OTULIN: variants seen among roughly 807,000 people sequenced by gnomAD.
The protein encoded by OTULIN is OTU deubiquitinase with linear linkage specificity, also known as ubiquitin thioesterase otulin.
OTULIN carries 15 observed loss-of-function variants against 39.6 expected under a neutral mutation model. The ratio of observed to expected loss-of-function variants is 0.38; its 90% CI spans 0.25 to 0.58. The LOEUF (loss-of-function observed/expected upper bound fraction) is 0.58. Among genes scored for constraint, OTULIN ranks in the 20% least tolerant of loss-of-function variants. The pLI is 0.66. For missense variants in OTULIN, 319 were observed against 445.9 expected (o/e 0.72, Z 2.56); for synonymous variants, 156 against 170.3 (o/e 0.92, Z 0.65).
intron 2 of OTULIN, among the ~76,000 whole-genome samples, chr5:14,677,333 T>C (rs1309403147): frequency 6.6e-6 from 1 of 152,230 alleles, no homozygotes; most frequent in Non-Finnish European, 1.5e-5. Flanking sequence ...TGGTACATTT[T>C]AGACACTCAG....
intron 6 of OTULIN, among the ~76,000 whole-genome samples, chr5:14,691,664 CT>C (rs1736531500): frequency 6.6e-6 from 1 of 150,790 alleles, no homozygotes; most frequent in East Asian, 1.9e-4. Flanking sequence ...ATAAAGTTCA[CT>C]CTTTTAAAGT....
chr5:14,709,904 T>C, the OTULIN span: 1 of 152,620 alleles, frequency 6.6e-6, no homozygotes, highest in Non-Finnish European at 1.5e-5. Context: ...AGCATATATT[T>C]ATATCTTTAA....
intron 3 of OTULIN, 109 bp from the exon 4 acceptor site, chr5:14,681,355 G>T: frequency 7.9e-7 from 1 of 1,271,670 alleles, no homozygotes; most frequent in Non-Finnish European, 1.1e-6. Flanking sequence ...CTCCAACTTT[G>T]GGCATCCTCC....
Position 14,699,358 on chromosome 5 carries a change from C to G in OTULIN, c.*6310C>G, listed in dbSNP as rs1371620797. The G allele has an allele frequency of 6.6e-6, 1 of 152,202 alleles. No individual in the cohort carries two copies. The highest frequency in any genetic ancestry group is 1.5e-5 in the Non-Finnish European group (1 of 68,050). The allele number at this position is 152,202 out of a possible 1,614,324, so 9.4% of individuals were successfully genotyped here. ...AAAGAACTAGAGTCTGGGAGTCTTG[C>G]AAGATGGAGCTGGGCTTCTGAAGAA... is the stretch of plus-strand genomic sequence containing the variant. On this transcript the variant is annotated 3_prime_UTR_variant, in exon 7 of 7. Coordinates refer to ENST00000284274, the MANE Select transcript of OTULIN (RefSeq NM_138348.6).
chr5:14,678,922 G>A (rs80296011), intron 3 of OTULIN, 147 bp downstream of exon 3: 7,005 of 507,440 alleles, frequency 0.014, 61 homozygotes, highest in Non-Finnish European at 0.018. Context: ...TAAGGAAATA[G>A]ACTCCAAAGA....
At chr5:14,709,390 G>A in the OTULIN span, 1 of 152,066 alleles carries the variant, frequency 6.6e-6, no homozygotes, top group Admixed American at 6.5e-5. Context: ...ACTCATATAT[G>A]TATTAATGGA....
chr5:14,692,926 G>C lies in OTULIN; in HGVS notation c.937G>C (p.Glu313Gln). ...QVYRLSKYNT[E>Q]EFITVYPTDP... ...GTACCGGCTCTCCAAGTACAACACG[G>C]AAGAATTCATCACAGTCTACCCCAC... Residue 313 changes from glutamate (E) to glutamine (Q), a missense_variant, in exon 7 of 7, where the codon GAA (glutamate) becomes CAA (glutamine). This residue lies in a region of OTULIN where 106 missense variants were observed against 192.8 expected (regional missense o/e 0.55). Coordinates refer to ENST00000284274, the MANE Select transcript of OTULIN (RefSeq NM_138348.6). The C allele has an allele frequency of 6.2e-7, 1 of 1,614,208 alleles. No homozygotes were observed.
At chr5:14,714,683 T>C in the OTULIN span, among the ~76,000 whole-genome samples, 3 of 152,218 alleles carry the variant, frequency 2.0e-5, no homozygotes, top group Non-Finnish European at 4.4e-5. Flanking sequence ...ACTGAGGTTT[T>C]TGACCAAAGG....
intron 3 of OTULIN, 65 bp downstream of exon 3, chr5:14,678,840 T>A: frequency 9.3e-7 from 1 of 1,071,816 alleles, no homozygotes; most frequent in Non-Finnish European, 1.4e-6. Flanking sequence ...GTTTAATATG[T>A]CATTTGATAT....
chr5:14,680,799 C>T (rs1018676544), intron 3 of OTULIN, among the ~76,000 whole-genome samples: 7 of 152,222 alleles, frequency 4.6e-5, no homozygotes, highest in Non-Finnish European at 7.3e-5. Context: ...TGGCTCACGC[C>T]TGTAATCCCT....
At chr5:14,705,938 C>T in the OTULIN span, 1 of 152,170 alleles carries the variant, frequency 6.6e-6, no homozygotes, top group East Asian at 1.9e-4. Context: ...TCCCCAACTC[C>T]AGAGGCGCCA....
At position 14,693,166 on chromosome 5, in the gene OTULIN, T is replaced by A; in HGVS notation, c.*118T>A. The A allele has an allele frequency of 1.0e-6, 1 of 965,152 alleles. No homozygotes were observed. Among genetic ancestry groups the A allele is most frequent in the Non-Finnish European group, 1.5e-6 (1 of 665,816 alleles). 59.8% of individuals were successfully genotyped at this position (965,152 alleles called of 1,614,324 possible). ...TCTCTGAGAAGAACCCTTGGGCCCC[T>A]GGGAGCCAAGTTGGACAGGATGTCC... On this transcript the variant is annotated 3_prime_UTR_variant, in exon 7 of 7. Coordinates refer to ENST00000284274, the MANE Select transcript of OTULIN (RefSeq NM_138348.6).
At chr5:14,713,431 T>A in the OTULIN span, 2 of 1,444,998 alleles carry the variant, frequency 1.4e-6, no homozygotes, top group East Asian at 4.9e-5. The surrounding 1 kb of genome is among the most constrained non-coding windows in gnomAD (Gnocchi z 4.4). Flanking sequence ...CATTCTGAAT[T>A]TCCGATTCTA....
chr5:14,707,675 T>G, the OTULIN span: 1 of 152,284 alleles, frequency 6.6e-6, no homozygotes, highest in African/African-American at 2.4e-5. Context: ...CAAGGTTATT[T>G]ATTGGGAAGA....
the OTULIN span, chr5:14,711,410 C>T: frequency 1.2e-5 from 12 of 992,962 alleles, no homozygotes; most frequent in Non-Finnish European, 1.9e-5. Context: ...GGGGACCCCT[C>T]ACTGTAGGCT....
rs930237515 is a variant in OTULIN, at chr5:14,697,447, G to A, written c.*4399G>A. On this transcript the variant is annotated 3_prime_UTR_variant, in exon 7 of 7. Coordinates refer to ENST00000284274, the MANE Select transcript of OTULIN (RefSeq NM_138348.6). The stretch of plus-strand genomic sequence containing the variant: ...CTGCTTTGGCCTCCCAAAGTGCTGA[G>A]ATTACAGGCGTGAACTACCGCGCCT... 10 of 152,270 alleles carry A rather than the reference G, an allele frequency of 6.6e-5. No individual in the cohort carries two copies. Among genetic ancestry groups the A allele is most frequent in the African/African-American group, 2.4e-4 (10 of 41,544 alleles). The allele number at this position is 152,270 out of a possible 1,614,324, so 9.4% of individuals were successfully genotyped here.
the OTULIN span, chr5:14,711,123 T>C: frequency 1.6e-6 from 2 of 1,252,858 alleles, no homozygotes; most frequent in Non-Finnish European, 2.3e-6. Flanking sequence ...CAAAATACGA[T>C]GGGAGAGGGA....
Position 14,690,411 on chromosome 5 carries a change from G to C in OTULIN, c.864+103G>C. The C allele has an allele frequency of 7.2e-7, 1 of 1,393,242 alleles. No individual in the cohort carries two copies. 86.3% of individuals were successfully genotyped at this position (1,393,242 alleles called of 1,614,324 possible). A position where few individuals can be genotyped will look rare whatever the true frequency, so the allele number is the denominator to read the frequency against. On this transcript the variant is annotated intron_variant, in intron 6 of 6. Coordinates refer to ENST00000284274, the MANE Select transcript of OTULIN (RefSeq NM_138348.6). The surrounding 1 kb of genome is among the most constrained non-coding windows in gnomAD (Gnocchi z 4.5). ...AGGTCAGAAATTCAGGGACAGCTTA[G>C]TTGGATGGTTCTGGCTCAGGATGTC...
intron 5 of OTULIN, chr5:14,687,870 C>A: frequency 2.9e-6 from 1 of 341,664 alleles, no homozygotes; most frequent in Non-Finnish European, 5.2e-6. Context: ...ACTAGGGTAT[C>A]AAATAATGAA....
Sources: gnomAD v4.1 joint callset for allele counts (sites outside exome capture counted in the v4.1 genomes callset) on GRCh38, gnomAD v4.1.1 for gene constraint, gnomAD v4.1.1 regional missense constraint, Gnocchi (gnomAD v3.1) non-coding constraint, MANE v1.5 for transcripts, NCBI Gene and HGNC (gene_info 2026-07-23, HGNC 2026-07-21) for gene names.